The following IL7 variants were observed in gnomAD, a reference collection of about 807,000 sequenced individuals.
The protein encoded by IL7 is interleukin 7.
A neutral mutation model predicts 21.6 loss-of-function variants in IL7; 3 were observed. The ratio of observed to expected loss-of-function variants is 0.14; its 90% CI spans 0.06 to 0.36. The LOEUF (loss-of-function observed/expected upper bound fraction) is 0.36, where lower values mean the gene tolerates loss of function less well. Among genes scored for constraint, IL7 ranks in the 10% least tolerant of loss-of-function variants. The probability of loss-of-function intolerance (pLI) is 1.00; values close to 1 mark genes in which losing one functional copy is unlikely to be tolerated. For missense variants in IL7, 175 were observed against 200.2 expected (o/e 0.87, Z 0.76); for synonymous variants, 62 against 68.1 (o/e 0.91, Z 0.44).
downstream of IL7, among the ~76,000 whole-genome samples, chr8:78,729,367 A>G (rs1024993261): frequency 3.3e-5 from 5 of 152,124 alleles, no homozygotes; most frequent in Admixed American, 2.6e-4. Flanking sequence ...TGAATGAATT[A>G]TATGTATTTG....
chr8:78,778,488 T>C (rs1813205899), intron 2 of IL7, among the ~76,000 whole-genome samples: 1 of 152,182 alleles, frequency 6.6e-6, no homozygotes, highest in South Asian at 2.1e-4. Flanking sequence ...GAAACATTTA[T>C]TAAATAGGGA....
At chr8:78,711,349 G>A (rs1198900894) in intron 3 of IL7, among the ~76,000 whole-genome samples, 1 of 152,018 alleles carries the variant, frequency 6.6e-6, no homozygotes. Context: ...TAGATGGAGA[G>A]CCTTTATAAT....
chr8:78,690,295 C>G (rs1177933751), intron 3 of IL7, among the ~76,000 whole-genome samples: 3 of 152,198 alleles, frequency 2.0e-5, no homozygotes, highest in Admixed American at 6.5e-5. Flanking sequence ...TGCAGTGGCT[C>G]CCGCCTTTAA....
In IL7 at chr8:78,678,505, T is replaced by C. The variant is rs1277256860; in HGVS notation, n.274-2401A>G. 5.2e-6 allele frequency: 7 copies of C among 1,358,302 alleles called. No individual in the cohort carries two copies. The Admixed American group carries it at 1.3e-4, about 25-fold the overall frequency. 84.1% of individuals were successfully genotyped at this position (1,358,302 alleles called of 1,614,324 possible). A position where few individuals can be genotyped will look rare whatever the true frequency, so the allele number is the denominator to read the frequency against. On this transcript the variant is annotated intron_variant and non_coding_transcript_variant, in intron 4 of 4. Transcript: ENST00000523959. ...ACTGGTCTCAATGTAAATAAAGTTC[T>C]GTAGTCTTACCTTCTGTAGAAAAGA... is the stretch of plus-strand genomic sequence containing the variant.
rs748709130 is a variant in IL7 at position 78,804,932 on chromosome 8, G to T, written c.-10C>A. ...GCTTACCATGGAACATGGTCTGCGG[G>T]AGGCGGGCGTAGTCATGATGACCGC... On this transcript the variant is annotated 5_prime_UTR_variant, in exon 1 of 6. Coordinates refer to ENST00000263851, the MANE Select transcript of IL7 (RefSeq NM_000880.4). The T allele has an allele frequency of 7.5e-5, 121 of 1,611,948 alleles. No homozygotes were observed. Among genetic ancestry groups the T allele is most frequent in the Non-Finnish European group, 1.0e-4 (118 of 1,178,722 alleles).
rs10156320 is a variant in IL7 at position 78,692,494 on chromosome 8, C to A, written n.215-6547G>T. Among the ~76,000 whole-genome samples, 790 of 152,246 alleles carry A rather than the reference C, an allele frequency of 5.2e-3. 7 individuals are homozygous for A. Among genetic ancestry groups the A allele is most frequent in the African/African-American group, 0.018 (731 of 41,556 alleles). On this transcript the variant is annotated intron_variant and non_coding_transcript_variant, in intron 3 of 4. Transcript: ENST00000523959. ...TGGTAATGTTTGGTTGAAAACTAGA[C>A]ATGACATGGTAGGTAATATATAACA... is the stretch of plus-strand genomic sequence containing the variant.
chr8:78,785,641 C>T (rs1230651009), intron 2 of IL7, among the ~76,000 whole-genome samples: 1 of 152,110 alleles, frequency 6.6e-6, no homozygotes, highest in Admixed American at 6.5e-5. Flanking sequence ...TCTGTTTCTT[C>T]GTGTCTGCCC....
downstream of IL7, among the ~76,000 whole-genome samples, chr8:78,714,858 G>T (rs1204071176): frequency 5.9e-5 from 9 of 152,116 alleles, no homozygotes; most frequent in East Asian, 1.7e-3. Context: ...AAACTTGTTT[G>T]TTTATTTAAC....
rs192529867 is a variant in IL7 at position 78,723,901 on chromosome 8, A to G, written n.268-2461T>C. The G allele has an allele frequency of 1.9e-5, 4 of 215,718 alleles. No individual in the cohort carries two copies. The East Asian group carries it at 3.6e-4, about 19-fold the overall frequency. The allele number at this position is 215,718 out of a possible 1,614,324, so 13.4% of individuals were successfully genotyped here. On this transcript the variant is annotated intron_variant and non_coding_transcript_variant, in intron 3 of 6. Transcript: ENST00000519833. Reference sequence around the variant, plus strand: ...ATTGGAAGACAAGCTATTCCACTTGAGCTGGTACTGCAGATGTGACCTCAA... The same window carrying G: ...ATTGGAAGACAAGCTATTCCACTTGGGCTGGTACTGCAGATGTGACCTCAA...
intron 6 of IL7, chr8:78,718,333 T>G (rs1481357056): frequency 6.6e-6 from 1 of 151,992 alleles, no homozygotes; most frequent in African/African-American, 2.4e-5. Context: ...TTATTTAATA[T>G]AGAAGGCACA....
intron 2 of IL7, among the ~76,000 whole-genome samples, chr8:78,765,830 C>A (rs1000288264): frequency 1.7e-4 from 26 of 152,072 alleles, no homozygotes; most frequent in Non-Finnish European, 2.8e-4. Flanking sequence ...TTGCTATATA[C>A]CCAAAGAATT....
At chr8:78,712,114 T>C in intron 3 of IL7, 1 of 1,257,390 alleles carries the variant, frequency 8.0e-7, no homozygotes. Flanking sequence ...CAAGTAAGTA[T>C]TTGTAACTCA....
At chr8:78,696,638 A>G (rs1810424879) in intron 3 of IL7, among the ~76,000 whole-genome samples, 1 of 152,202 alleles carries the variant, frequency 6.6e-6, no homozygotes, top group Admixed American at 6.5e-5. Flanking sequence ...TAAAAATCCA[A>G]GATAAGCTGA....
intron 2 of IL7, among the ~76,000 whole-genome samples, chr8:78,743,580 T>A (rs892198308): frequency 1.3e-5 from 2 of 152,170 alleles, no homozygotes; most frequent in Non-Finnish European, 2.9e-5. Context: ...ATACTTGTGA[T>A]TGCATTACGA....
At chr8:78,675,859 C>T in exon 5 of IL7, 2 of 1,609,846 alleles carry the variant, frequency 1.2e-6, no homozygotes, top group Non-Finnish European at 1.7e-6. Flanking sequence ...TTTCCAGTAG[C>T]ATTAGTGAGT....
chr8:78,700,158 T>C (rs1810554317), intron 3 of IL7, among the ~76,000 whole-genome samples: 1 of 152,208 alleles, frequency 6.6e-6, no homozygotes, highest in Non-Finnish European at 1.5e-5. Context: ...CAGCAGCCAT[T>C]CTGACTAGTG....
chr8:78,678,098 C>T (rs1809641511), intron 4 of IL7, among the ~76,000 whole-genome samples: 1 of 152,118 alleles, frequency 6.6e-6, no homozygotes, highest in African/African-American at 2.4e-5. Flanking sequence ...CCTGGCTTCT[C>T]TAGTGCAACC....
At chr8:78,693,410 T>C (rs1218681118) in intron 3 of IL7, among the ~76,000 whole-genome samples, 3 of 152,234 alleles carry the variant, frequency 2.0e-5, no homozygotes, top group Non-Finnish European at 4.4e-5. Context: ...CCTGATTTTT[T>C]AATTATCGCC....
chr8:78,761,141 C>A (rs1812541595), intron 2 of IL7: 2 of 1,595,978 alleles, frequency 1.3e-6, no homozygotes, highest in Non-Finnish European at 1.7e-6. Context: ...ATCATGCCTC[C>A]CTGTCCACTG....
Sources: gnomAD v4.1 joint callset for allele counts (sites outside exome capture counted in the v4.1 genomes callset) on GRCh38, gnomAD v4.1.1 for gene constraint, MANE v1.5 for transcripts, NCBI Gene and HGNC (gene_info 2026-07-23, HGNC 2026-07-21) for gene names.